The following TBC1D19 variants were observed in gnomAD, a reference collection of about 807,000 sequenced individuals.
TBC1D19 encodes the protein TBC1 domain family member 19, also known as TBC1 domain family, member 19.
Under a neutral mutation model 89.0 loss-of-function variants are expected in TBC1D19, and 60 were observed. The observed-to-expected ratio is 0.67, with a 90% CI of 0.55 to 0.84. The LOEUF (loss-of-function observed/expected upper bound fraction) is 0.84, where lower values mean the gene tolerates loss of function less well. TBC1D19 is among the 40% of genes least tolerant of loss of function. The pLI is 0.00. For missense variants in TBC1D19, 500 were observed against 610.8 expected (o/e 0.82, Z 1.91); for synonymous variants, 189 against 199.7 (o/e 0.95, Z 0.45).
At chr4:26,853,540 T>A in the TBC1D19 span, among the ~76,000 whole-genome samples, 9 of 152,166 alleles carry the variant, frequency 5.9e-5, no homozygotes, top group African/African-American at 1.4e-4. Context: ...ACAACTTTTT[T>A]TTTTTGTTTG....
chr4:26,758,613 G>A (rs2109343640), downstream of TBC1D19, among the ~76,000 whole-genome samples: 1 of 152,276 alleles, frequency 6.6e-6, no homozygotes, highest in Middle Eastern at 3.4e-3. Flanking sequence ...AGGGAAGCTG[G>A]ATATGAAAAT....
At chr4:26,596,617 G>GTTT (rs35281818) in intron 1 of TBC1D19, among the ~76,000 whole-genome samples, 11 of 136,506 alleles carry the variant, frequency 8.1e-5, no homozygotes, top group East Asian at 2.1e-4. Context: ...CTTTCCTCCT[G>GTTT]TTTTTTTTTT....
rs559137034 is a variant in TBC1D19 at position 26,728,988 on chromosome 4, C to T, written c.1085-6467C>T. Among the ~76,000 whole-genome samples, 3 of 152,300 alleles carry T rather than the reference C, an allele frequency of 2.0e-5. No homozygotes were observed. In the South Asian group the frequency reaches 6.2e-4, roughly 32 times the overall value. On this transcript the variant is annotated intron_variant, in intron 15 of 20. Transcript: ENST00000264866. Reference sequence around the variant, plus strand: ...CGAAATCGCGTCACTGCACTTCAGCCTCGGCGACAGAGCGAGACTCCGTCT... The same window carrying T: ...CGAAATCGCGTCACTGCACTTCAGCTTCGGCGACAGAGCGAGACTCCGTCT...
upstream of TBC1D19, among the ~76,000 whole-genome samples, chr4:26,582,908 C>A (rs1003392821): frequency 2.0e-5 from 3 of 152,154 alleles, no homozygotes; most frequent in Non-Finnish European, 2.9e-5. Context: ...TTATTTCCTG[C>A]TTTAGTCCTT....
intron 13 of TBC1D19, among the ~76,000 whole-genome samples, chr4:26,706,942 C>G (rs1395604572): frequency 6.6e-6 from 1 of 151,762 alleles, no homozygotes; most frequent in Admixed American, 6.6e-5. Flanking sequence ...AATTAGTGAC[C>G]TAATATATGA....
At chr4:26,738,645 A>C (rs1718177774) in intron 16 of TBC1D19, among the ~76,000 whole-genome samples, 3 of 151,770 alleles carry the variant, frequency 2.0e-5, no homozygotes, top group African/African-American at 7.2e-5. Context: ...ACATTTTTCT[A>C]TATATATACA....
the TBC1D19 span, among the ~76,000 whole-genome samples, chr4:26,825,339 C>T: frequency 5.9e-5 from 9 of 152,130 alleles, no homozygotes; most frequent in East Asian, 3.9e-4. Flanking sequence ...CCTCATGATC[C>T]GCCTGCCTTG....
chr4:26,669,910 G>A (rs1420186654), intron 9 of TBC1D19, among the ~76,000 whole-genome samples: 2 of 151,656 alleles, frequency 1.3e-5, no homozygotes, highest in South Asian at 2.1e-4. Flanking sequence ...CCTTAGTCAA[G>A]GAGGATGAAA....
intron 1 of TBC1D19, among the ~76,000 whole-genome samples, chr4:26,606,672 C>T (rs1361869981): frequency 1.3e-5 from 2 of 152,100 alleles, no homozygotes. Flanking sequence ...AGAGGATAAT[C>T]AAGCATTAAA....
downstream of TBC1D19, among the ~76,000 whole-genome samples, chr4:26,760,637 TCTCCCA>T (rs1181872251): frequency 6.6e-6 from 1 of 152,178 alleles, no homozygotes; most frequent in African/African-American, 2.4e-5. Flanking sequence ...TGCAAAATTT[TCTCCCA>T]GCCTATAGGA....
the TBC1D19 span, among the ~76,000 whole-genome samples, chr4:26,840,230 C>T: frequency 6.6e-6 from 1 of 152,116 alleles, no homozygotes; most frequent in East Asian, 1.9e-4. Flanking sequence ...TACATGTGCC[C>T]ACCATCATGC....
chr4:26,825,024 C>T, the TBC1D19 span, among the ~76,000 whole-genome samples: 31 of 152,156 alleles, frequency 2.0e-4, no homozygotes, highest in African/African-American at 7.0e-4. Flanking sequence ...AATTACTAGA[C>T]GAATGTTTTC....
chr4:26,789,962 C>T, the TBC1D19 span, among the ~76,000 whole-genome samples: 1 of 152,176 alleles, frequency 6.6e-6, no homozygotes, highest in Non-Finnish European at 1.5e-5. Flanking sequence ...TGCATGTTCT[C>T]ATTTAAAAGA....
chr4:26,698,498 A>T (rs1403586723), intron 13 of TBC1D19, among the ~76,000 whole-genome samples: 1 of 152,216 alleles, frequency 6.6e-6, no homozygotes, highest in East Asian at 1.9e-4. Flanking sequence ...TCTTCACAGA[A>T]TTGGAAAAAA....
chr4:26,656,515 G>C (rs1349493271), intron 7 of TBC1D19, among the ~76,000 whole-genome samples: 1 of 150,908 alleles, frequency 6.6e-6, no homozygotes, highest in Non-Finnish European at 1.5e-5. Context: ...ACAGAAGTAA[G>C]ATTCCTACAT....
chr4:26,717,862 G>C, intron 13 of TBC1D19, 71 bp from the exon 14 acceptor site: 1 of 1,274,412 alleles, frequency 7.8e-7, no homozygotes, highest in Non-Finnish European at 1.1e-6. Flanking sequence ...TGCCTCCTGA[G>C]TAGGAAATAA....
At chr4:26,845,563 A>G in the TBC1D19 span, among the ~76,000 whole-genome samples, 2 of 151,772 alleles carry the variant, frequency 1.3e-5, no homozygotes, top group African/African-American at 4.8e-5. Context: ...GGCAACCACT[A>G]CTCTACTTTC....
chr4:26,831,441 TAGACAATATGTAAAC>T, the TBC1D19 span, among the ~76,000 whole-genome samples: 1 of 152,118 alleles, frequency 6.6e-6, no homozygotes, highest in Non-Finnish European at 1.5e-5. Flanking sequence ...AAGGCAGCTG[TAGACAATATGTAAAC>T]AGATGAGTGT....
chr4:26,706,386 AT>A (rs1176087367), intron 13 of TBC1D19, among the ~76,000 whole-genome samples: 1 of 151,866 alleles, frequency 6.6e-6, no homozygotes, highest in African/African-American at 2.4e-5. Flanking sequence ...TCGCAGTTTC[AT>A]TTCTTATTTT....
Sources: allele counts gnomAD v4.1 joint callset (sites outside exome capture counted in the v4.1 genomes callset), GRCh38; gene constraint gnomAD v4.1.1; transcripts MANE v1.5; gene names NCBI Gene and HGNC (gene_info 2026-07-23, HGNC 2026-07-21).